The following SF3B1 variants were observed in gnomAD, a reference collection of about 807,000 sequenced individuals.
SF3B1 encodes the protein pre-mRNA processing 10.
In SF3B1, 12 loss-of-function variants were observed where a neutral mutation model predicts 153.8. The ratio of observed to expected loss-of-function variants is 0.08; its 90% CI spans 0.05 to 0.13. SF3B1 has a LOEUF of 0.13. Among genes scored for constraint, SF3B1 ranks in the 10% least tolerant of loss-of-function variants. The pLI is 1.00. For synonymous variants in SF3B1, 498 were observed against 525.2 expected, an observed-to-expected ratio of 0.95 and a Z score of 0.71; for missense variants, 513 against 1,606.1, an observed-to-expected ratio of 0.32 and a Z score of 11.63.
Position 197,400,214 on chromosome 2 carries a change from A to G in SF3B1, c.2901+38T>C. 1 of 1,610,168 alleles carries G rather than the reference A, an allele frequency of 6.2e-7. No homozygotes were observed. Among genetic ancestry groups the G allele is most frequent in the Non-Finnish European group, 8.5e-7 (1 of 1,176,788 alleles). On this transcript the variant is annotated intron_variant, in intron 19 of 24. Coordinates refer to ENST00000335508, the MANE Select transcript of SF3B1 (RefSeq NM_012433.4). The surrounding 1 kb of genome is among the most constrained non-coding windows in gnomAD (Gnocchi z 5.0). ...AAAATGTTACTATTTACATTAAACT[A>G]TTTGGGGAAGAAGTAAGAATTTGAT...
At chr2:197,427,997 G>A (rs908876252) in intron 1 of SF3B1, among the ~76,000 whole-genome samples, 2 of 151,694 alleles carry the variant, frequency 1.3e-5, no homozygotes, top group Admixed American at 6.6e-5. Context: ...CAACCTAGGC[G>A]ACAGAGCAAG....
intron 2 of SF3B1, 137 bp from the exon 3 acceptor site, chr2:197,421,270 A>T: frequency 1.8e-6 from 1 of 558,148 alleles, no homozygotes; most frequent in South Asian, 2.4e-5. Flanking sequence ...TAAAACTTAG[A>T]AACACAATTG....
chr2:197,395,959 A>T (rs1217884279), intron 23 of SF3B1, 97 bp downstream of exon 23: 2 of 1,070,250 alleles, frequency 1.9e-6, no homozygotes, highest in Admixed American at 2.3e-5. Context: ...TTCTTTAACT[A>T]TGTTACAGTA....
In SF3B1 at chr2:197,421,042, T is replaced by G; in HGVS notation, c.287A>C (p.Gln96Pro). Reference sequence around the variant, plus strand: ...ATGAAAGATCACCTGTTCTGTTGACTGTGGTATATCATTAAGCAATGCCAC... The same window carrying G: ...ATGAAAGATCACCTGTTCTGTTGACGGTGGTATATCATTAAGCAATGCCAC... ...APVALLNDIPQSTEQYDPFAE... is the reference protein window; with the variant it reads ...APVALLNDIPPSTEQYDPFAE... Residue 96 changes from glutamine (Q) to proline (P), a missense_variant, in exon 3 of 25, where the codon CAG becomes CCG. Around this residue, in one of 21 missense-constraint regions of SF3B1, gnomAD observed 56 missense variants for 75.6 expected, o/e 0.74. Transcript: ENST00000335508. 1 of 1,603,330 alleles carries G rather than the reference T, an allele frequency of 6.2e-7. No homozygotes were observed. Among genetic ancestry groups the G allele is most frequent in the African/African-American group, 1.3e-5 (1 of 74,742 alleles).
chr2:197,418,704 T>G, intron 4 of SF3B1, 116 bp from the exon 5 acceptor site: 1 of 1,453,016 alleles, frequency 6.9e-7, no homozygotes, highest in Non-Finnish European at 9.1e-7. Flanking sequence ...TTTAAATTAT[T>G]TTTTGATGGA....
chr2:197,413,618 T>C (rs1006684904), intron 6 of SF3B1, among the ~76,000 whole-genome samples: 4 of 152,272 alleles, frequency 2.6e-5, no homozygotes, highest in Non-Finnish European at 2.9e-5. Context: ...ATTAAATCTA[T>C]AGCAGTCTAG....
chr2:197,391,491 C>A lies in SF3B1; in HGVS notation c.*812G>T, dbSNP rs1255573605. The A allele has an allele frequency of 2.0e-5, 3 of 152,290 alleles. No individual in the cohort carries two copies. Among genetic ancestry groups the A allele is most frequent in the South Asian group, 4.1e-4 (2 of 4,822 alleles). 9.4% of individuals were successfully genotyped at this position (152,290 alleles called of 1,614,324 possible). On this transcript the variant is annotated 3_prime_UTR_variant, in exon 25 of 25. Coordinates refer to ENST00000335508, the MANE Select transcript of SF3B1 (RefSeq NM_012433.4). ...GTGGCTTATAACATGGAGAAAAGCC[C>A]AACATTGTCCTGTTCTATCAGCATT...
Position 197,402,250 on chromosome 2 carries a change from C to T in SF3B1, c.2078-120G>A. ...AACTGCAGAATATGTTCACATTAAA[C>T]AAAATTAGGTAAAAGCAAAACATGA... is the stretch of plus-strand genomic sequence containing the variant. On this transcript the variant is annotated intron_variant, in intron 14 of 24. Coordinates refer to ENST00000335508, the MANE Select transcript of SF3B1 (RefSeq NM_012433.4). This position sits in a 1 kb window ranked among gnomAD's most constrained non-coding sequence, Gnocchi z 4.6. 8.1e-7 allele frequency: 1 copy of T among 1,232,010 alleles called. No individual in the cohort carries two copies. Among genetic ancestry groups the T allele is most frequent in the East Asian group, 2.5e-5 (1 of 40,560 alleles). The allele number at this position is 1,232,010 out of a possible 1,614,324, so 76.3% of individuals were successfully genotyped here.
chr2:197,430,795 G>A (rs1311513910), intron 1 of SF3B1, among the ~76,000 whole-genome samples: 2 of 151,732 alleles, frequency 1.3e-5, no homozygotes, highest in Non-Finnish European at 2.9e-5. Flanking sequence ...CACTGTGCCC[G>A]GCCTGTTGTT....
At chr2:197,418,875 T>A in intron 4 of SF3B1, 1 of 1,575,632 alleles carries the variant, frequency 6.3e-7, no homozygotes. Flanking sequence ...GGTTCCTGGG[T>A]TGCTAATCCG....
chr2:197,431,478 CTTGA>C (rs1447866671), intron 1 of SF3B1, among the ~76,000 whole-genome samples: 1 of 152,108 alleles, frequency 6.6e-6, no homozygotes, highest in South Asian at 2.1e-4. Context: ...CTTCTTCCTC[CTTGA>C]TTTTTATTTT....
At chr2:197,418,275 GAC>G (rs765446425) in intron 5 of SF3B1, among the ~76,000 whole-genome samples, 17 of 71,802 alleles carry the variant, frequency 2.4e-4, no homozygotes, top group Non-Finnish European at 3.3e-4. Context: ...TCCCTTGTGA[GAC>G]ACATACATAC....
chr2:197,402,301 AACAAACC>A lies in SF3B1; in HGVS notation c.2078-178_2078-172del. On this transcript the variant is annotated intron_variant, in intron 14 of 24. Transcript: ENST00000335508. This position sits in a 1 kb window ranked among gnomAD's most constrained non-coding sequence, Gnocchi z 4.6. ...ACCATAGCCTGTCAGCAGATAATAT[AACAAACC>A]CATCATAAAATCTATAGTTTGTAGA... 1.3e-6 allele frequency: 1 copy of A among 767,614 alleles called. No homozygotes were observed. Among genetic ancestry groups the A allele is most frequent in the Non-Finnish European group, 2.1e-6 (1 of 487,538 alleles). The allele number at this position is 767,614 out of a possible 1,614,324, so 47.6% of individuals were successfully genotyped here.
At chr2:197,412,726 T>G (rs1413269607) in intron 6 of SF3B1, among the ~76,000 whole-genome samples, 1 of 151,010 alleles carries the variant, frequency 6.6e-6, no homozygotes, top group African/African-American at 2.4e-5. Context: ...GGCTCACACG[T>G]GTAATCCCAG....
At chr2:197,395,942 CA>C in intron 23 of SF3B1, 113 bp downstream of exon 23, 1 of 865,272 alleles carries the variant, frequency 1.2e-6, no homozygotes. Flanking sequence ...TCCAGGCTAG[CA>C]ATTTTTTCTT....
At chr2:197,433,434 C>T (rs1259129348) in intron 1 of SF3B1, among the ~76,000 whole-genome samples, 1 of 152,162 alleles carries the variant, frequency 6.6e-6, no homozygotes, top group Non-Finnish European at 1.5e-5. Context: ...CAAAGCTATA[C>T]TATCAATATC....
rs1326758202 is a variant in SF3B1, at chr2:197,400,673, A to G, written c.2718+42T>C. ...TGACAACTAATATGCTTTTCTACAA[A>G]TATTAAAGTTAGTAGCAATGTGCCA... On this transcript the variant is annotated intron_variant, in intron 18 of 24. Coordinates refer to ENST00000335508, the MANE Select transcript of SF3B1 (RefSeq NM_012433.4). The surrounding 1 kb of genome is among the most constrained non-coding windows in gnomAD (Gnocchi z 5.0). 3 of 1,407,020 alleles carry G rather than the reference A, an allele frequency of 2.1e-6. No individual in the cohort carries two copies. The highest frequency in any genetic ancestry group is 3.0e-6 in the Non-Finnish European group (3 of 1,014,040). 87.2% of individuals were successfully genotyped at this position (1,407,020 alleles called of 1,614,324 possible). A position where few individuals can be genotyped will look rare whatever the true frequency, so the allele number is the denominator to read the frequency against.
At chr2:197,416,993 T>A in intron 5 of SF3B1, 82 bp from the exon 6 acceptor site, 2 of 1,354,140 alleles carry the variant, frequency 1.5e-6, no homozygotes, top group Non-Finnish European at 2.1e-6. Flanking sequence ...CCACTTAACA[T>A]CCTATTTTAT....
intron 6 of SF3B1, 71 bp from the exon 7 acceptor site, chr2:197,410,078 A>C: frequency 2.8e-6 from 3 of 1,075,578 alleles, no homozygotes; most frequent in Non-Finnish European, 4.1e-6. Context: ...ATAAAATAAA[A>C]AACTTTAAAC....
Sources: gnomAD v4.1 joint callset for allele counts (sites outside exome capture counted in the v4.1 genomes callset) on GRCh38, gnomAD v4.1.1 for gene constraint, gnomAD v4.1.1 regional missense constraint, Gnocchi (gnomAD v3.1) non-coding constraint, MANE v1.5 for transcripts, NCBI Gene and HGNC (gene_info 2026-07-23, HGNC 2026-07-21) for gene names.